Variants in CALD1 observed in about 807,000 individuals in gnomAD.
CALD1 encodes the protein caldesmon 1, also known as caldesmon.
A neutral mutation model predicts 99.9 loss-of-function variants in CALD1; 33 were observed. That is an observed-to-expected ratio of 0.33 (90% CI 0.25 to 0.44). The LOEUF (loss-of-function observed/expected upper bound fraction) is 0.44. Among genes scored for constraint, CALD1 ranks in the 20% least tolerant of loss-of-function variants. CALD1 has a pLI of 1.00. For missense variants in CALD1, 861 were observed against 962.1 expected, an observed-to-expected ratio of 0.89 and a Z score of 1.39; for synonymous variants, 310 against 325.0, an observed-to-expected ratio of 0.95 and a Z score of 0.50.
chr7:134,940,288 T>A (rs1468977355), intron 6 of CALD1, among the ~76,000 whole-genome samples: 1 of 152,222 alleles, frequency 6.6e-6, no homozygotes. Flanking sequence ...TTAAATAATC[T>A]GTCTCACTTA....
intron 2 of CALD1, among the ~76,000 whole-genome samples, chr7:134,858,472 G>A (rs185886255): frequency 2.0e-5 from 3 of 152,204 alleles, no homozygotes; most frequent in South Asian, 4.1e-4. Flanking sequence ...CTATGAGATT[G>A]TAAGGTCTTT....
chr7:134,923,193 A>C (rs895651002), intron 3 of CALD1, among the ~76,000 whole-genome samples: 1 of 152,204 alleles, frequency 6.6e-6, no homozygotes, highest in Non-Finnish European at 1.5e-5. Flanking sequence ...GTTTGTGCCA[A>C]CAGATGAGCT....
At chr7:134,922,944 ACAC>A (rs1406565210) in intron 3 of CALD1, among the ~76,000 whole-genome samples, 1 of 152,218 alleles carries the variant, frequency 6.6e-6, no homozygotes, top group Non-Finnish European at 1.5e-5. Flanking sequence ...TTATCTTGTA[ACAC>A]CAGGGCCCTT....
intron 3 of CALD1, among the ~76,000 whole-genome samples, chr7:134,880,879 C>T (rs1293874636): frequency 6.6e-6 from 1 of 152,124 alleles, no homozygotes; most frequent in Non-Finnish European, 1.5e-5. Context: ...ATTATCATTG[C>T]TACAGATGCT....
At chr7:134,923,620 A>C (rs1563099258) in intron 3 of CALD1, among the ~76,000 whole-genome samples, 1 of 152,226 alleles carries the variant, frequency 6.6e-6, no homozygotes, top group East Asian at 1.9e-4. Flanking sequence ...CAGCATTTCA[A>C]ATACATTTAA....
chr7:134,891,596 C>G (rs1339834290), intron 3 of CALD1: 1 of 1,602,632 alleles, frequency 6.2e-7, no homozygotes, highest in Non-Finnish European at 8.5e-7. Flanking sequence ...TCTCTCTGCC[C>G]CGCCGCCCCT....
chr7:134,960,965 G>T (rs2133256322), intron 13 of CALD1: 1 of 168,748 alleles, frequency 5.9e-6, no homozygotes, highest in African/African-American at 2.4e-5. Context: ...GAAAATGAAA[G>T]GTCACATCAT....
intron 3 of CALD1, among the ~76,000 whole-genome samples, chr7:134,899,583 C>T (rs1802833173): frequency 6.6e-6 from 1 of 152,208 alleles, no homozygotes; most frequent in Non-Finnish European, 1.5e-5. Flanking sequence ...GCTAGCTCTG[C>T]CTGCTGCATT....
the CALD1 span, chr7:134,735,267 A>G: frequency 6.6e-6 from 1 of 152,216 alleles, no homozygotes; most frequent in Non-Finnish European, 1.5e-5. Flanking sequence ...AAGTGCCTTG[A>G]TATTGATGTA....
At chr7:134,822,836 A>ATAGT (rs948774734) in intron 1 of CALD1, among the ~76,000 whole-genome samples, 92 of 152,252 alleles carry the variant, frequency 6.0e-4, no homozygotes, top group African/African-American at 2.1e-3. Flanking sequence ...ATTTGGCGAT[A>ATAGT]TAGTTAGTTG....
At chr7:134,929,644 G>GTATATA (rs1298035690) in intron 4 of CALD1, among the ~76,000 whole-genome samples, 31 of 1,758 alleles carry the variant, frequency 0.018, no homozygotes, top group Non-Finnish European at 0.031. Flanking sequence ...GTGTGTGTGT[G>GTATATA]TGTATATATA....
chr7:134,968,364 C>G lies in CALD1; in HGVS notation c.*19C>G, dbSNP rs1462263735. 1 of 1,612,570 alleles carries G rather than the reference C, an allele frequency of 6.2e-7. No homozygotes were observed. Among genetic ancestry groups the G allele is most frequent in the African/African-American group, 1.3e-5 (1 of 74,828 alleles). On this transcript the variant is annotated 3_prime_UTR_variant, in exon 15 of 15. Transcript: ENST00000361675. ...GGTTTGAGACAGTTCCAGAAAGAAC[C>G]CAAGCTCAAGACGCAGGACGAGCTC...
chr7:134,806,624 G>C (rs1798148937), intron 1 of CALD1, among the ~76,000 whole-genome samples: 1 of 152,118 alleles, frequency 6.6e-6, no homozygotes, highest in South Asian at 2.1e-4. Context: ...AATGCTTCTT[G>C]GATCTGCTTA....
chr7:134,843,138 C>T (rs1048066108), intron 1 of CALD1, among the ~76,000 whole-genome samples: 2 of 152,172 alleles, frequency 1.3e-5, no homozygotes, highest in Admixed American at 6.5e-5. Flanking sequence ...TTACTACCTC[C>T]GGTCTAGACT....
chr7:134,777,767 C>G (rs1394547684), upstream of CALD1, among the ~76,000 whole-genome samples: 1 of 152,178 alleles, frequency 6.6e-6, no homozygotes, highest in Non-Finnish European at 1.5e-5. Flanking sequence ...CAGCTGTTTT[C>G]TGAACTCCTG....
chr7:134,756,400 C>T (rs1332640339), intron 1 of CALD1, among the ~76,000 whole-genome samples: 1 of 149,076 alleles, frequency 6.7e-6, no homozygotes, highest in African/African-American at 2.5e-5. Flanking sequence ...GCTCTGAATT[C>T]TGTTCTTATG....
intron 7 of CALD1, among the ~76,000 whole-genome samples, chr7:134,942,592 G>C (rs1224447916): frequency 6.6e-6 from 1 of 152,210 alleles, no homozygotes; most frequent in East Asian, 1.9e-4. Flanking sequence ...TCTACAAAGC[G>C]AGTTGATTCA....
intron 2 of CALD1, among the ~76,000 whole-genome samples, chr7:134,852,232 G>A (rs1041318059): frequency 5.3e-5 from 8 of 152,094 alleles, no homozygotes; most frequent in Non-Finnish European, 1.2e-4. Context: ...AAATATAGGG[G>A]ATTTGCAGGA....
At chr7:134,767,195 C>CTCTG (rs1796833983) in intron 1 of CALD1, among the ~76,000 whole-genome samples, 10 of 148,886 alleles carry the variant, frequency 6.7e-5, no homozygotes, top group African/African-American at 2.0e-4. Flanking sequence ...CTCTCTGTCT[C>CTCTG]TGTGTGTGTG....
Sources: gnomAD v4.1 joint callset for allele counts (sites outside exome capture counted in the v4.1 genomes callset) on GRCh38, gnomAD v4.1.1 for gene constraint, MANE v1.5 for transcripts, NCBI Gene and HGNC (gene_info 2026-07-23, HGNC 2026-07-21) for gene names.